Variants in DHX9 observed in about 807,000 individuals in gnomAD.
DHX9 encodes DExH-box helicase 9.
In DHX9, 27 loss-of-function variants were observed where a neutral mutation model predicts 148.7. The observed-to-expected ratio is 0.18, with a 90% CI of 0.13 to 0.25. The LOEUF is 0.25. DHX9 is among the 10% of genes least tolerant of loss of function. DHX9 has a pLI of 1.00. For missense variants in DHX9, 796 were observed against 1,559.6 expected (o/e 0.51, Z 8.25); for synonymous variants, 529 against 516.6 (o/e 1.02, Z -0.33).
At chr1:182,856,861 G>GT (rs1293555966) in intron 7 of DHX9, among the ~76,000 whole-genome samples, 1 of 152,024 alleles carries the variant, frequency 6.6e-6, no homozygotes, top group Non-Finnish European at 1.5e-5. Context: ...AACCTTTTTT[G>GT]TTTTTTGAGA....
At chr1:182,858,433 A>T (rs1668294548) in intron 8 of DHX9, 118 bp from the exon 9 acceptor site, 1 of 1,109,314 alleles carries the variant, frequency 9.0e-7, no homozygotes, top group Non-Finnish European at 1.3e-6. Flanking sequence ...TAATTCTCTC[A>T]CAAAAGGGAA....
intron 14 of DHX9, among the ~76,000 whole-genome samples, chr1:182,871,693 A>G (rs752269056): frequency 1.7e-4 from 26 of 152,248 alleles, no homozygotes; most frequent in Non-Finnish European, 1.2e-4. Flanking sequence ...CTGTCATCAG[A>G]AAGGATGAGT....
At chr1:182,884,555 A>T in intron 26 of DHX9, 58 bp from the exon 27 acceptor site, 4 of 1,439,832 alleles carry the variant, frequency 2.8e-6, no homozygotes, top group Non-Finnish European at 3.9e-6. Context: ...GTTGAGAGAT[A>T]ATGGTCTTTT....
intron 1 of DHX9, among the ~76,000 whole-genome samples, chr1:182,840,789 A>G (rs192170957): frequency 6.6e-6 from 1 of 152,192 alleles, no homozygotes; most frequent in Non-Finnish European, 1.5e-5. Context: ...AGGGATAGCT[A>G]TGGAGAATCT....
rs546347335 is a variant in DHX9 at position 182,852,183 on chromosome 1, C to A, written c.253-50C>A. ...TTAAGTATTAAAAGAATTTACTAGT[C>A]CCCGTGAAGGCAAAAGCACTGACAG... On this transcript the variant is annotated intron_variant, in intron 3 of 27. Transcript: ENST00000367549. 28 of 1,214,600 alleles carry A rather than the reference C, an allele frequency of 2.3e-5. No individual in the cohort carries two copies. The South Asian group carries it at 3.7e-4, about 16-fold the overall frequency. The allele number at this position is 1,214,600 out of a possible 1,614,324, so 75.2% of individuals were successfully genotyped here.
At chr1:182,873,378 G>A (rs1648627873) in intron 15 of DHX9, among the ~76,000 whole-genome samples, 1 of 152,214 alleles carries the variant, frequency 6.6e-6, no homozygotes, top group Non-Finnish European at 1.5e-5. Flanking sequence ...GAGAAACAGT[G>A]TAGACAGATA....
rs929776176 is a variant in DHX9 at position 182,839,407 on chromosome 1, G to A, written c.-72G>A. 4.6e-5 allele frequency: 7 copies of A among 152,534 alleles called. No individual in the cohort carries two copies. The highest frequency in any genetic ancestry group is 2.0e-4 in the Admixed American group (3 of 15,302). 9.4% of individuals were successfully genotyped at this position (152,534 alleles called of 1,614,324 possible). A position where few individuals can be genotyped will look rare whatever the true frequency, so the allele number is the denominator to read the frequency against. On this transcript the variant is annotated 5_prime_UTR_variant, in exon 1 of 28. Transcript: ENST00000367549. ...CGTTTCTCTGTTGTCTCGGTAGAAG[G>A]CCAGAGTCACACACGGTCCTAAGAG...
chr1:182,871,637 A>C (rs1334131412), intron 14 of DHX9, among the ~76,000 whole-genome samples: 1 of 152,226 alleles, frequency 6.6e-6, no homozygotes, highest in Non-Finnish European at 1.5e-5. Flanking sequence ...AGATATGTGT[A>C]AGAGTAAGTG....
chr1:182,841,020 C>T (rs911436431), intron 1 of DHX9, among the ~76,000 whole-genome samples: 4 of 152,154 alleles, frequency 2.6e-5, no homozygotes, highest in African/African-American at 7.2e-5. Context: ...CGGGCGGGCG[C>T]GGTGGCTGAC....
chr1:182,861,157 T>C (rs919622061), intron 12 of DHX9, among the ~76,000 whole-genome samples: 1 of 152,188 alleles, frequency 6.6e-6, no homozygotes, highest in Non-Finnish European at 1.5e-5. Context: ...ATAATTAGTA[T>C]AATTGTATAT....
chr1:182,858,929 G>C (rs749185209), intron 10 of DHX9, 35 bp downstream of exon 10: 3 of 1,612,412 alleles, frequency 1.9e-6, no homozygotes, highest in Non-Finnish European at 1.7e-6. Context: ...TCAGAGTCTT[G>C]TGTTTTACTC....
rs1015223163 is a variant in DHX9 at position 182,883,020 on chromosome 1, C to T, written c.2915-119C>T. ...TTCTGAGAAGAGAAAGTTTTACAGA[C>T]AGGTTATGTGAAAAGAGTGAGGAAG... On this transcript the variant is annotated intron_variant, in intron 24 of 27. Coordinates refer to ENST00000367549, the MANE Select transcript of DHX9 (RefSeq NM_001357.5). 7 of 669,104 alleles carry T rather than the reference C, an allele frequency of 1.0e-5. No homozygotes were observed. In the East Asian group the frequency reaches 1.7e-4, roughly 16 times the overall value. 41.4% of individuals were successfully genotyped at this position (669,104 alleles called of 1,614,324 possible). A position where few individuals can be genotyped will look rare whatever the true frequency, so the allele number is the denominator to read the frequency against.
intron 12 of DHX9, 76 bp from the exon 13 acceptor site, chr1:182,866,368 A>G (rs1313007645): frequency 1.3e-6 from 2 of 1,503,354 alleles, no homozygotes; most frequent in East Asian, 2.3e-5. Context: ...ATTTACTACA[A>G]TAATCCAAAA....
In DHX9 at chr1:182,872,326, T is replaced by C. The variant is rs1452819687; in HGVS notation, c.1558-11T>C. On this transcript the variant is annotated splice_polypyrimidine_tract_variant and intron_variant, in intron 14 of 27. Coordinates refer to ENST00000367549, the MANE Select transcript of DHX9 (RefSeq NM_001357.5). ...TGTAATTTCAAAAATTTTGTGTTTG[T>C]TTTTTAATAGACTGACTTCCTTTTG... 4 of 1,596,076 alleles carry C rather than the reference T, an allele frequency of 2.5e-6. No individual in the cohort carries two copies. The highest frequency in any genetic ancestry group is 3.4e-6 in the Non-Finnish European group (4 of 1,172,752).
intron 3 of DHX9, among the ~76,000 whole-genome samples, chr1:182,848,074 A>G (rs187417777): frequency 7.0e-4 from 106 of 152,228 alleles, no homozygotes; most frequent in Non-Finnish European, 1.3e-3. Context: ...GTACTTCTTC[A>G]TAGGTCTTCA....
At chr1:182,874,749 A>G in intron 15 of DHX9, 105 bp from the exon 16 acceptor site, 1 of 849,978 alleles carries the variant, frequency 1.2e-6, no homozygotes, top group Non-Finnish European at 1.9e-6. Flanking sequence ...GAATCAGACT[A>G]GAGGGGTATT....
intron 26 of DHX9, 152 bp from the exon 27 acceptor site, chr1:182,884,461 A>C: frequency 5.9e-6 from 4 of 680,128 alleles, no homozygotes; most frequent in Non-Finnish European, 7.3e-6. Flanking sequence ...TGTTTGCCTA[A>C]GTTTGGGGCC....
chr1:182,858,708 G>C, intron 9 of DHX9, 25 bp from the exon 10 acceptor site: 1 of 1,612,056 alleles, frequency 6.2e-7, no homozygotes, highest in Middle Eastern at 1.7e-4. Context: ...CATATTTTTT[G>C]TTTGTTTTTC....
rs1294962194 is a variant in DHX9 at position 182,875,975 on chromosome 1, A to C, written c.1816-75A>C. On this transcript the variant is annotated intron_variant, in intron 16 of 27. Coordinates refer to ENST00000367549, the MANE Select transcript of DHX9 (RefSeq NM_001357.5). ...AATGACATTACAAGTAATTAGAGTC[A>C]CTAGAAGAAATCTAGAAGACTTACC... 7 of 1,105,372 alleles carry C rather than the reference A, an allele frequency of 6.3e-6. No individual in the cohort carries two copies. In the Admixed American group the frequency reaches 1.4e-4, roughly 22 times the overall value. 68.5% of individuals were successfully genotyped at this position (1,105,372 alleles called of 1,614,324 possible).
Sources: allele counts gnomAD v4.1 joint callset (sites outside exome capture counted in the v4.1 genomes callset), GRCh38; gene constraint gnomAD v4.1.1; transcripts MANE v1.5; gene names NCBI Gene and HGNC (gene_info 2026-07-23, HGNC 2026-07-21).